The following STK3 variants were observed in gnomAD, a reference collection of about 807,000 sequenced individuals.
STK3 encodes serine/threonine-protein kinase 3.
Under a neutral mutation model 58.0 loss-of-function variants are expected in STK3, and 41 were observed. That is an observed-to-expected ratio of 0.71 (90% CI 0.55 to 0.92). The LOEUF is 0.92. Among genes scored for constraint, STK3 ranks in the 40% least tolerant of loss-of-function variants. The pLI is 0.00. For synonymous variants in STK3, 170 were observed against 191.0 expected (o/e 0.89, Z 0.91); for missense variants, 479 against 602.7 (o/e 0.79, Z 2.15).
chr8:98,776,207 A>G (rs755540998), intron 1 of STK3, among the ~76,000 whole-genome samples: 4 of 152,182 alleles, frequency 2.6e-5, no homozygotes, highest in Non-Finnish European at 4.4e-5. Flanking sequence ...GCTAATGCAG[A>G]AGGCACACTA....
chr8:98,416,382 T>TGG (rs1818114882), intron 3 of STK3, among the ~76,000 whole-genome samples: 1 of 150,556 alleles, frequency 6.6e-6, no homozygotes, highest in Non-Finnish European at 1.5e-5. Context: ...TTTTTTTTTT[T>TGG]TTTTGCTAAG....
chr8:98,762,123 T>A (rs112139780), intron 3 of STK3, among the ~76,000 whole-genome samples: 2,863 of 152,344 alleles, frequency 0.019, 60 homozygotes, highest in Non-Finnish European at 0.027. Context: ...CCAACCCACA[T>A]ACTTCCCCAT....
At chr8:98,776,832 C>G (rs192996004) in intron 1 of STK3, among the ~76,000 whole-genome samples, 77 of 151,468 alleles carry the variant, frequency 5.1e-4, no homozygotes, top group African/African-American at 1.8e-3. Flanking sequence ...CGGTGGATCA[C>G]GAGGTCAGGA....
chr8:98,819,689 T>G (rs1564031592), intron 1 of STK3, among the ~76,000 whole-genome samples: 1 of 152,238 alleles, frequency 6.6e-6, no homozygotes, highest in Admixed American at 6.5e-5. Context: ...CTGAGTCTGC[T>G]GGGGTTTTTT....
At chr8:98,396,345 C>T (rs1817897170) in intron 3 of STK3, among the ~76,000 whole-genome samples, 1 of 152,180 alleles carries the variant, frequency 6.6e-6, no homozygotes, top group South Asian at 2.1e-4. Context: ...GCATCCAAAG[C>T]AATTGTGTAT....
downstream of STK3, chr8:98,883,301 C>G (rs1490578037): frequency 5.5e-6 from 1 of 180,354 alleles, no homozygotes; most frequent in African/African-American, 2.4e-5. Context: ...GATGATTAAC[C>G]ATCCAGTTTG....
intron 4 of STK3, among the ~76,000 whole-genome samples, chr8:98,737,716 C>CT (rs532037502): frequency 8.8e-5 from 13 of 148,486 alleles, no homozygotes; most frequent in South Asian, 6.4e-4. Context: ...TTTTCTTTTT[C>CT]TTTTTTTTTT....
At chr8:98,809,289 G>A (rs1433364753) in intron 1 of STK3, among the ~76,000 whole-genome samples, 1 of 152,218 alleles carries the variant, frequency 6.6e-6, no homozygotes, top group Non-Finnish European at 1.5e-5. Flanking sequence ...ACTGGCATCT[G>A]AAGTGGTGGA....
intron 9 of STK3, among the ~76,000 whole-genome samples, chr8:98,540,615 T>C (rs1335579797): frequency 1.3e-5 from 2 of 152,168 alleles, no homozygotes; most frequent in East Asian, 3.9e-4. Context: ...TATCACAAAA[T>C]GAGAAATCTT....
At chr8:98,758,123 T>A (rs960315461) in intron 3 of STK3, among the ~76,000 whole-genome samples, 2 of 152,310 alleles carry the variant, frequency 1.3e-5, no homozygotes, top group Middle Eastern at 3.4e-3. Context: ...ACCACCTGGA[T>A]AAAGCAAATA....
intron 1 of STK3, among the ~76,000 whole-genome samples, chr8:98,810,042 G>A (rs1418250597): frequency 1.3e-5 from 2 of 152,168 alleles, no homozygotes; most frequent in Non-Finnish European, 2.9e-5. Context: ...ACATGGCCAC[G>A]TGGCCAGAGC....
At chr8:98,543,484 G>C (rs191130450) in intron 9 of STK3, among the ~76,000 whole-genome samples, 1 of 152,228 alleles carries the variant, frequency 6.6e-6, no homozygotes, top group Admixed American at 6.5e-5. Context: ...CATGAGAAGA[G>C]AATAGGGATA....
intron 4 of STK3, 88 bp from the exon 5 acceptor site, chr8:98,707,399 C>CGTGT (rs371881958): frequency 4.0e-6 from 4 of 991,930 alleles, no homozygotes; most frequent in Non-Finnish European, 5.7e-6. Flanking sequence ...TATGTCTTTC[C>CGTGT]GTGTGTGTGT....
chr8:98,560,170 A>G lies in STK3; in HGVS notation c.949-12009T>C, dbSNP rs1811896790. Among the ~76,000 whole-genome samples, 3 of 152,296 alleles carry G rather than the reference A, an allele frequency of 2.0e-5. No homozygotes were observed. The South Asian group carries it at 6.2e-4, about 32-fold the overall frequency. On this transcript the variant is annotated intron_variant, in intron 8 of 10. Coordinates refer to ENST00000419617, the MANE Select transcript of STK3 (RefSeq NM_006281.4). ...TATATAACCTCTGAACCAGGGAGAC[A>G]AGGAAACATAGTGAGGATACAGAAA...
intron 3 of STK3, among the ~76,000 whole-genome samples, chr8:98,855,493 C>G (rs1836634133): frequency 6.6e-6 from 1 of 152,156 alleles, no homozygotes; most frequent in Non-Finnish European, 1.5e-5. Flanking sequence ...TTACCTCCCA[C>G]TATTTTTAAA....
At chr8:98,782,516 G>A (rs1033245956) in intron 1 of STK3, 3 of 312,516 alleles carry the variant, frequency 9.6e-6, no homozygotes, top group African/African-American at 4.5e-5. Flanking sequence ...TGACCAGGCA[G>A]AGGCCTGCTG....
At chr8:98,618,100 A>G (rs1347578711) in intron 6 of STK3, among the ~76,000 whole-genome samples, 1 of 151,794 alleles carries the variant, frequency 6.6e-6, no homozygotes, top group African/African-American at 2.4e-5. Flanking sequence ...CAGCACATCA[A>G]AAAGCTTATC....
intron 7 of STK3, chr8:98,595,258 A>G (rs896424225): frequency 6.8e-6 from 1 of 147,858 alleles, no homozygotes; most frequent in African/African-American, 2.5e-5. Flanking sequence ...CCCTCAATAC[A>G]TCCTTTTGGA....
At chr8:98,634,839 C>G (rs1487352723) in intron 6 of STK3, among the ~76,000 whole-genome samples, 2 of 152,070 alleles carry the variant, frequency 1.3e-5, no homozygotes, top group Non-Finnish European at 2.9e-5. Flanking sequence ...TCACTGGCAC[C>G]TCTGCTTCCT....
Sources: gnomAD v4.1 joint callset for allele counts (sites outside exome capture counted in the v4.1 genomes callset) on GRCh38, gnomAD v4.1.1 for gene constraint, MANE v1.5 for transcripts, NCBI Gene and HGNC (gene_info 2026-07-23, HGNC 2026-07-21) for gene names.